ILDR2: variants seen among roughly 807,000 people sequenced by gnomAD.
The protein encoded by ILDR2 is immunoglobulin like domain containing receptor 2, also known as immunoglobulin-like domain-containing receptor 2.
A neutral mutation model predicts 66.8 loss-of-function variants in ILDR2; 25 were observed. The ratio of observed to expected loss-of-function variants is 0.37; its 90% CI spans 0.27 to 0.52. The LOEUF (loss-of-function observed/expected upper bound fraction) is 0.52, where lower values mean the gene tolerates loss of function less well. Among genes scored for constraint, ILDR2 ranks in the 20% least tolerant of loss-of-function variants. ILDR2 has a pLI of 0.88. For synonymous variants in ILDR2, 367 were observed against 357.2 expected (o/e 1.03, Z -0.31); for missense variants, 827 against 876.8 (o/e 0.94, Z 0.72).
chr1:166,920,759 G>C lies in ILDR2; in HGVS notation c.1832C>G (p.Pro611Arg). 1 of 1,490,230 alleles carries C rather than the reference G, an allele frequency of 6.7e-7. No individual in the cohort carries two copies. The highest frequency in any genetic ancestry group is 1.8e-4 in the Middle Eastern group (1 of 5,696). The allele number at this position is 1,490,230 out of a possible 1,614,324, so 92.3% of individuals were successfully genotyped here. ...RGPSYRGRDL[P>R]YHSNSEKKRK... is the part of the protein sequence containing the mutation. ...CTTCTTCTCCGAGTTGCTGTGGTAG[G>C]GCAGGTCGCGGCCGCGGTAGGACGG... is the stretch of plus-strand genomic sequence containing the variant. Residue 611 changes from proline to arginine, a missense_variant, in exon 9 of 10, where the codon CCC becomes CGC. This residue lies in a region of ILDR2 where 390 missense variants were observed against 353.6 expected (regional missense o/e 1.10). Coordinates refer to ENST00000271417, the MANE Select transcript of ILDR2 (RefSeq NM_199351.3).
In ILDR2 at chr1:166,909,779, ATTTAT is replaced by A. The variant is rs1659432609; in HGVS notation, c.*9571_*9575del. ...TATATAAATATATATAAATATATAT[ATTTAT>A]ATATATATATATATATATATATCCT... On this transcript the variant is annotated 3_prime_UTR_variant, in exon 10 of 10. Transcript: ENST00000271417. 5.0e-5 allele frequency: 2 copies of A among 40,376 alleles called. No individual in the cohort carries two copies. Among genetic ancestry groups the A allele is most frequent in the Non-Finnish European group, 9.4e-5 (2 of 21,176 alleles). 2.5% of individuals were successfully genotyped at this position (40,376 alleles called of 1,614,324 possible).
intron 2 of ILDR2, 51 bp from the exon 3 acceptor site, chr1:166,956,903 A>T: frequency 6.3e-7 from 1 of 1,594,604 alleles, no homozygotes. Context: ...CCTCTGAAAG[A>T]AAAACACTAA....
intron 3 of ILDR2, among the ~76,000 whole-genome samples, chr1:166,951,614 T>C (rs1456413554): frequency 6.6e-6 from 1 of 152,222 alleles, no homozygotes; most frequent in African/African-American, 2.4e-5. Context: ...AATAAGCATG[T>C]ATCTTTTTTT....
At position 166,916,369 on chromosome 1, in the gene ILDR2, A is replaced by G. The variant is rs1305233573; in HGVS notation, c.*2986T>C. The G allele has an allele frequency of 6.6e-6, 1 of 152,248 alleles. No homozygotes were observed. The highest frequency in any genetic ancestry group is 1.9e-4 in the East Asian group (1 of 5,198). The allele number at this position is 152,248 out of a possible 1,614,324, so 9.4% of individuals were successfully genotyped here. A position where few individuals can be genotyped will look rare whatever the true frequency, so the allele number is the denominator to read the frequency against. On this transcript the variant is annotated 3_prime_UTR_variant, in exon 10 of 10. Transcript: ENST00000271417. ...TCTCTGGTTTTATTATAATTTATCCATAGCACTATTTCATACTCTATGTAT... is the reference window on the plus strand; with the variant it reads ...TCTCTGGTTTTATTATAATTTATCCGTAGCACTATTTCATACTCTATGTAT...
intron 5 of ILDR2, among the ~76,000 whole-genome samples, chr1:166,935,751 C>T (rs1660935783): frequency 6.6e-6 from 1 of 152,208 alleles, no homozygotes; most frequent in Admixed American, 6.5e-5. Context: ...GCTGTCACAG[C>T]AGCATCCCCA....
At chr1:166,938,962 G>A (rs566549995) in intron 4 of ILDR2, among the ~76,000 whole-genome samples, 3 of 152,168 alleles carry the variant, frequency 2.0e-5, no homozygotes, top group Non-Finnish European at 4.4e-5. Context: ...CATATGGTCC[G>A]TGGACCCATA....
At chr1:166,947,150 G>A (rs1661662680) in intron 3 of ILDR2, among the ~76,000 whole-genome samples, 1 of 152,202 alleles carries the variant, frequency 6.6e-6, no homozygotes, top group Non-Finnish European at 1.5e-5. Context: ...TTGGCCTGAG[G>A]TGAAATGCAG....
At chr1:166,951,660 G>T (rs1661988464) in intron 3 of ILDR2, among the ~76,000 whole-genome samples, 1 of 152,096 alleles carries the variant, frequency 6.6e-6, no homozygotes, top group Non-Finnish European at 1.5e-5. Context: ...ACACAAAACA[G>T]CAGTATTTGA....
chr1:166,922,125 A>G (rs1355988969), intron 8 of ILDR2, among the ~76,000 whole-genome samples: 1 of 152,166 alleles, frequency 6.6e-6, no homozygotes, highest in Non-Finnish European at 1.5e-5. Context: ...ATGATCAAAA[A>G]TGAGGGAGAT....
At chr1:166,956,562 T>G (rs560678289) in intron 3 of ILDR2, among the ~76,000 whole-genome samples, 171 bp downstream of exon 3, 1 of 152,026 alleles carries the variant, frequency 6.6e-6, no homozygotes, top group African/African-American at 2.4e-5. Context: ...TAAGACATAA[T>G]AAGTACAGCT....
chr1:166,919,414 A>G, intron 9 of ILDR2, 24 bp from the exon 10 acceptor site: 1 of 1,598,326 alleles, frequency 6.3e-7, no homozygotes, highest in Non-Finnish European at 8.6e-7. Flanking sequence ...GAAAGAGCCC[A>G]ACATTAAGCC....
chr1:166,959,799 G>A (rs1021213250), intron 1 of ILDR2, among the ~76,000 whole-genome samples: 1 of 152,304 alleles, frequency 6.6e-6, no homozygotes, highest in Admixed American at 6.5e-5. Flanking sequence ...CTAGCTTGAT[G>A]TGAGGTTAGA....
downstream of ILDR2, among the ~76,000 whole-genome samples, chr1:166,904,512 G>T (rs1659309966): frequency 1.3e-5 from 2 of 152,202 alleles, no homozygotes; most frequent in Admixed American, 1.3e-4. Flanking sequence ...TACAAAGCAA[G>T]AACTGAGTGT....
At chr1:166,920,311 G>A (rs867350408) in intron 9 of ILDR2, among the ~76,000 whole-genome samples, 1 of 152,190 alleles carries the variant, frequency 6.6e-6, no homozygotes, top group Non-Finnish European at 1.5e-5. Context: ...AATGCACATA[G>A]AAGGATGCAT....
downstream of ILDR2, among the ~76,000 whole-genome samples, chr1:166,907,445 C>A (rs1659368041): frequency 1.3e-5 from 2 of 152,158 alleles, no homozygotes; most frequent in Admixed American, 1.3e-4. Context: ...CGCCATGGAA[C>A]AATGAGCACT....
intron 5 of ILDR2, 83 bp from the exon 6 acceptor site, chr1:166,935,560 TTCA>T: frequency 8.1e-7 from 1 of 1,239,434 alleles, no homozygotes. Context: ...GAGGATGCAC[TTCA>T]GGGAGCTCCT....
intron 1 of ILDR2, among the ~76,000 whole-genome samples, chr1:166,967,389 G>A (rs1663023766): frequency 6.6e-6 from 1 of 152,188 alleles, no homozygotes; most frequent in South Asian, 2.1e-4. Flanking sequence ...TACTTTAAAT[G>A]GGAAGGAAGG....
At chr1:166,926,685 A>G (rs1301978062) in intron 7 of ILDR2, among the ~76,000 whole-genome samples, 1 of 151,256 alleles carries the variant, frequency 6.6e-6, no homozygotes, top group Non-Finnish European at 1.5e-5. Context: ...TGCTTTATTA[A>G]AATAGTCTTT....
At position 166,920,735 on chromosome 1, in the gene ILDR2, T is replaced by C. The variant is rs560070959; in HGVS notation, c.1856A>G (p.Lys619Arg). 7.6e-6 allele frequency: 11 copies of C among 1,450,082 alleles called. No individual in the cohort carries two copies. The highest frequency in any genetic ancestry group is 4.4e-5 in the South Asian group (3 of 68,802). 89.8% of individuals were successfully genotyped at this position (1,450,082 alleles called of 1,614,324 possible). ...TTTCTTGGCGGGCTCCTTTTTCCTC[T>C]TCTTCTCCGAGTTGCTGTGGTAGGG... Reference protein sequence around the residue: ...DLPYHSNSEKKRKKEPAKKTN... With the variant: ...DLPYHSNSEKRRKKEPAKKTN... The change falls in exon 9 of 10, where the codon AAG (lysine) becomes AGG (arginine). Residue 619 changes from lysine to arginine, a missense_variant. Lys to Arg is a conservative substitution (Grantham distance 26, BLOSUM62 2). Coordinates refer to ENST00000271417, the MANE Select transcript of ILDR2 (RefSeq NM_199351.3).
Sources: allele counts gnomAD v4.1 joint callset (sites outside exome capture counted in the v4.1 genomes callset), GRCh38; gene constraint gnomAD v4.1.1; regional missense constraint gnomAD v4.1.1; transcripts MANE v1.5; gene names NCBI Gene and HGNC (gene_info 2026-07-23, HGNC 2026-07-21).